The following SLC16A2 variants were observed in gnomAD, a reference collection of about 807,000 sequenced individuals.
SLC16A2 encodes solute carrier family 16 member 2.
Under a neutral mutation model 27.2 loss-of-function variants are expected in SLC16A2, and 3 were observed. The ratio of observed to expected loss-of-function variants is 0.11; its 90% confidence interval spans 0.05 to 0.28. SLC16A2 has a LOEUF of 0.28. Among genes scored for constraint, SLC16A2 ranks in the 10% least tolerant of loss-of-function variants. The pLI, the probability that SLC16A2 is intolerant of heterozygous loss-of-function variation, is 1.00. For synonymous variants in SLC16A2, 202 were observed against 187.8 expected, an observed-to-expected ratio of 1.08 and a Z score of -0.62; for missense variants, 295 against 458.5, an observed-to-expected ratio of 0.64 and a Z score of 3.26.
intron 1 of SLC16A2, among the ~76,000 whole-genome samples, chrX:74,424,751 C>T (rs926503592): frequency 8.9e-6 from 1 of 112,131 alleles, no homozygotes; most frequent in African/African-American, 3.2e-5. Context: ...TTCTCTTTGA[C>T]TAGGCCTAAT....
chrX:74,479,447 G>T (rs766029470), intron 1 of SLC16A2, among the ~76,000 whole-genome samples: 2 of 111,807 alleles, frequency 1.8e-5, no homozygotes, highest in South Asian at 7.5e-4. Flanking sequence ...CTTTAGCTCG[G>T]AGTAGTTTGA....
intron 5 of SLC16A2, 30 bp downstream of exon 5, chrX:74,529,471 A>G (rs774829561): frequency 6.2e-5 from 67 of 1,073,049 alleles, no homozygotes; most frequent in Non-Finnish European, 7.7e-5. Flanking sequence ...GAGGGCATGA[A>G]TCAGGGAGTC....
intron 1 of SLC16A2, among the ~76,000 whole-genome samples, chrX:74,513,576 C>CT (rs1327136353): frequency 6.3e-5 from 7 of 111,723 alleles, no homozygotes; most frequent in Non-Finnish European, 1.1e-4. Context: ...ATTATTTCTT[C>CT]TTTTTTAATA....
intron 1 of SLC16A2, 102 bp downstream of exon 1, chrX:74,422,169 C>T: frequency 1.2e-6 from 1 of 816,223 alleles, no homozygotes; most frequent in Admixed American, 2.6e-5. Flanking sequence ...CTCCAACGCG[C>T]CTCTCCGACT....
chrX:74,477,893 T>A (rs1428311778), intron 1 of SLC16A2, among the ~76,000 whole-genome samples: 4 of 111,603 alleles, frequency 3.6e-5, no homozygotes, highest in Admixed American at 9.5e-5. Context: ...TGCTGAGGAG[T>A]GCTTTACTTC....
intron 1 of SLC16A2, among the ~76,000 whole-genome samples, chrX:74,475,168 C>T (rs1485305782): frequency 1.9e-5 from 2 of 107,609 alleles, no homozygotes; most frequent in Non-Finnish European, 3.9e-5. Flanking sequence ...TAATGATCGC[C>T]ATTCTAACTG....
chrX:74,531,609 C>A lies in SLC16A2; in HGVS notation c.*56C>A, dbSNP rs755113847. 4.1e-6 allele frequency: 4 copies of A among 984,595 alleles called. No homozygotes were observed. The highest frequency in any genetic ancestry group is 5.8e-6 in the Non-Finnish European group (4 of 691,228). 81.1% of individuals were successfully genotyped at this position (984,595 alleles called of 1,213,427 possible). On this transcript the variant is annotated 3_prime_UTR_variant, in exon 6 of 6. Transcript: ENST00000587091. ...AGCTCTTCCCCTTCATCCCACCCTG[C>A]TCAGCATTTACATTTTTGCCACCAG...
chrX:74,452,438 T>C (rs1030795497), intron 1 of SLC16A2, among the ~76,000 whole-genome samples: 2 of 111,504 alleles, frequency 1.8e-5, no homozygotes, highest in Non-Finnish European at 3.8e-5. Context: ...TAAAATGTTT[T>C]CCAAAATGTC....
intron 1 of SLC16A2, among the ~76,000 whole-genome samples, chrX:74,456,296 T>C (rs1929040329): frequency 9.0e-6 from 1 of 111,439 alleles, no homozygotes; most frequent in South Asian, 3.8e-4. Flanking sequence ...GGGCCAAGAT[T>C]CTTGGCCAGG....
At chrX:74,471,833 A>G (rs1028662036) in intron 1 of SLC16A2, among the ~76,000 whole-genome samples, 1 of 111,760 alleles carries the variant, frequency 8.9e-6, no homozygotes, top group Middle Eastern at 4.6e-3. Flanking sequence ...GGCAACCACC[A>G]TTCTACTTTC....
At chrX:74,447,247 A>G (rs781169129) in intron 1 of SLC16A2, among the ~76,000 whole-genome samples, 78 of 112,524 alleles carry the variant, frequency 6.9e-4, no homozygotes, top group Non-Finnish European at 1.2e-3. Context: ...TATTCAAGAG[A>G]CATTAAGTAT....
Position 74,529,320 on chromosome X carries a change from C to T in SLC16A2, c.1278C>T (p.Phe426=). The T allele has an allele frequency of 8.3e-7, 1 of 1,210,332 alleles. No individual in the cohort carries two copies. The highest frequency in any genetic ancestry group is 1.1e-6 in the Non-Finnish European group (1 of 894,388). Residue 426 remains phenylalanine, a synonymous_variant, in exon 5 of 6, where the codon TTC becomes TTT. Transcript: ENST00000587091. Reference sequence around the variant, plus strand: ...TTTTCCTGGGCCTTTGCGATGGCTTCTTCATCACCATCATGGCCCCCATTG... The same window carrying T: ...TTTTCCTGGGCCTTTGCGATGGCTTTTTCATCACCATCATGGCCCCCATTG... ...VCLFLGLCDG[F]FITIMAPIAF...
At chrX:74,433,970 T>C (rs1383349875) in intron 1 of SLC16A2, among the ~76,000 whole-genome samples, 1 of 112,382 alleles carries the variant, frequency 8.9e-6, no homozygotes, top group Non-Finnish European at 1.9e-5. Flanking sequence ...AGATGAGGCA[T>C]GTAAAACATC....
chrX:74,505,401 C>T (rs1930107107), intron 1 of SLC16A2, among the ~76,000 whole-genome samples: 2 of 112,393 alleles, frequency 1.8e-5, no homozygotes, highest in African/African-American at 3.2e-5. Context: ...CTGGAAAAGG[C>T]ATTTTAGATT....
intron 1 of SLC16A2, among the ~76,000 whole-genome samples, chrX:74,462,588 G>A (rs1184728981): frequency 3.7e-5 from 4 of 107,526 alleles, no homozygotes; most frequent in Non-Finnish European, 7.6e-5. Context: ...AAAGTGCTGG[G>A]ATTACAGGCG....
At chrX:74,428,306 G>A (rs1416770504) in intron 1 of SLC16A2, among the ~76,000 whole-genome samples, 2 of 110,809 alleles carry the variant, frequency 1.8e-5, no homozygotes, top group Non-Finnish European at 1.9e-5. Context: ...TGGGTGGCTT[G>A]AGGAAGTGCA....
intron 1 of SLC16A2, among the ~76,000 whole-genome samples, chrX:74,433,591 T>C (rs756733306): frequency 9.0e-6 from 1 of 111,507 alleles, no homozygotes; most frequent in Non-Finnish European, 1.9e-5. Flanking sequence ...CTCCCACTTA[T>C]AGGAACATGT....
At chrX:74,520,320 T>C (rs1460892902) in intron 1 of SLC16A2, among the ~76,000 whole-genome samples, 5 of 111,736 alleles carry the variant, frequency 4.5e-5, no homozygotes, top group Admixed American at 2.8e-4. Flanking sequence ...AAAAAAAGCT[T>C]GAACTTTCCT....
chrX:74,427,410 A>T (rs771607667), intron 1 of SLC16A2, among the ~76,000 whole-genome samples: 2 of 111,740 alleles, frequency 1.8e-5, no homozygotes, highest in African/African-American at 6.5e-5. Flanking sequence ...CTGCAGCGTC[A>T]GGGCTTAGCT....
Sources: allele counts gnomAD v4.1 joint callset (sites outside exome capture counted in the v4.1 genomes callset), GRCh38; gene constraint gnomAD v4.1.1; transcripts MANE v1.5; gene names NCBI Gene and HGNC (gene_info 2026-07-23, HGNC 2026-07-21).